The following CTBP2 variants were observed in gnomAD, a reference collection of about 807,000 sequenced individuals.
CTBP2 encodes the protein C-terminal binding protein 2, also known as C-terminal-binding protein 2.
A neutral mutation model predicts 80.3 loss-of-function variants in CTBP2; 30 were observed. The ratio of observed to expected loss-of-function variants is 0.37; its 90% confidence interval spans 0.28 to 0.51. The LOEUF is 0.51. Among genes scored for constraint, CTBP2 ranks in the 20% least tolerant of loss-of-function variants. CTBP2 has a pLI of 0.93. For missense variants in CTBP2, 1,212 were observed against 1,375.3 expected, an observed-to-expected ratio of 0.88 and a Z score of 1.88; for synonymous variants, 594 against 587.4, an observed-to-expected ratio of 1.01 and a Z score of -0.16.
intron 1 of CTBP2, among the ~76,000 whole-genome samples, chr10:125,005,253 G>A (rs1307023637): frequency 2.0e-5 from 3 of 152,200 alleles, no homozygotes; most frequent in Non-Finnish European, 4.4e-5. Flanking sequence ...AATGGGCTGG[G>A]GTAGCCAGGT....
In CTBP2 at chr10:125,026,691, T is replaced by G. The variant is rs1488070403; in HGVS notation, c.1069A>C (p.Arg357=). 6.2e-7 allele frequency: 1 copy of G among 1,611,066 alleles called. No homozygotes were observed. Among genetic ancestry groups the G allele is most frequent in the Non-Finnish European group, 8.5e-7 (1 of 1,179,250 alleles). The change falls in exon 1 of 9, where the codon AGG becomes CGG. Residue 357 remains arginine (R), a synonymous_variant. Coordinates refer to ENST00000309035, the MANE Select transcript of CTBP2 (RefSeq NM_022802.3). ...GGCAGCGGGCCCCCCCGGTCCTGCC[T>G]CCGCAGCTGCATTTCGGTCCTGCAG...
intron 1 of CTBP2, among the ~76,000 whole-genome samples, chr10:125,014,308 T>C (rs1055657788): frequency 3.3e-5 from 5 of 152,164 alleles, no homozygotes; most frequent in African/African-American, 1.2e-4. Flanking sequence ...CAAAATTTAC[T>C]GGGCGTGGTG....
chr10:125,054,126 C>A (rs1235030805), intron 2 of CTBP2, among the ~76,000 whole-genome samples: 1 of 151,700 alleles, frequency 6.6e-6, no homozygotes, highest in Non-Finnish European at 1.5e-5. Context: ...CTGAACATGA[C>A]CCTCTCCCTG....
At chr10:125,017,486 T>G (rs1347843524) in intron 1 of CTBP2, among the ~76,000 whole-genome samples, 1 of 152,226 alleles carries the variant, frequency 6.6e-6, no homozygotes, top group Non-Finnish European at 1.5e-5. Flanking sequence ...GGATGCTGTG[T>G]TCCGGCCCTA....
chr10:125,132,432 A>G (rs1856333989), intron 1 of CTBP2, among the ~76,000 whole-genome samples: 1 of 152,200 alleles, frequency 6.6e-6, no homozygotes. Flanking sequence ...TCAGAAACAC[A>G]GGAATGGCCA....
intron 1 of CTBP2, among the ~76,000 whole-genome samples, chr10:125,010,540 C>A (rs1303501172): frequency 1.3e-5 from 2 of 152,194 alleles, no homozygotes. Flanking sequence ...AAATGCGCAA[C>A]CCTTATCTCT....
intron 4 of CTBP2, among the ~76,000 whole-genome samples, chr10:124,995,189 GCTGGCCCGAGTGCAGA>G (rs905807938): frequency 1.2e-4 from 19 of 152,218 alleles, no homozygotes; most frequent in Non-Finnish European, 2.1e-4. Flanking sequence ...CTCCCTGCAG[GCTGGCCCGAGTGCAGA>G]CTGGCCACAT....
chr10:124,991,902 G>GC (rs1300122656), intron 8 of CTBP2, among the ~76,000 whole-genome samples: 8 of 145,202 alleles, frequency 5.5e-5, no homozygotes, highest in Non-Finnish European at 9.1e-5. Flanking sequence ...ATGGGGGGGG[G>GC]GGTGTGGGAG....
intron 2 of CTBP2, among the ~76,000 whole-genome samples, chr10:125,104,758 G>C (rs765391163): frequency 5.3e-5 from 8 of 152,230 alleles, no homozygotes; most frequent in Non-Finnish European, 1.0e-4. Context: ...CGACCAAGAA[G>C]ACTTTATTTT....
At chr10:125,161,060 C>CAG (rs1195563814), upstream of CTBP2, 84 of 99,890 alleles carry the variant, frequency 8.4e-4, no homozygotes, top group Middle Eastern at 0.011. Context: ...CTCCTCGCTC[C>CAG]TGTTTTTGGG....
At chr10:124,997,201 A>G (rs1349231161) in intron 4 of CTBP2, 2 of 152,244 alleles carry the variant, frequency 1.3e-5, no homozygotes, top group Admixed American at 6.5e-5. Flanking sequence ...ATCCCACCAA[A>G]TATCTACTTA....
intron 1 of CTBP2, chr10:125,122,720 C>G (rs1854542418): frequency 6.6e-6 from 1 of 152,214 alleles, no homozygotes; most frequent in South Asian, 2.1e-4. Context: ...AAAAGTCACT[C>G]CCAATACGAC....
At chr10:125,150,468 T>C (rs1301872660) in intron 1 of CTBP2, among the ~76,000 whole-genome samples, 1 of 152,030 alleles carries the variant, frequency 6.6e-6, no homozygotes, top group African/African-American at 2.4e-5. Flanking sequence ...AGTCTAGTCT[T>C]GGTTAGTGTG....
chr10:125,085,453 CGT>C (rs552440021), intron 2 of CTBP2, among the ~76,000 whole-genome samples: 71 of 152,178 alleles, frequency 4.7e-4, no homozygotes, highest in Non-Finnish European at 9.6e-4. Context: ...GAGCCACCTC[CGT>C]GTGCAACAGC....
chr10:125,059,961 C>T (rs975154897), intron 2 of CTBP2, among the ~76,000 whole-genome samples: 3 of 152,292 alleles, frequency 2.0e-5, no homozygotes, highest in Middle Eastern at 3.4e-3. Flanking sequence ...TGCAGGACCT[C>T]GCGGGTTAGC....
intron 2 of CTBP2, among the ~76,000 whole-genome samples, chr10:125,106,658 A>G (rs1851507246): frequency 6.6e-6 from 1 of 152,246 alleles, no homozygotes; most frequent in Non-Finnish European, 1.5e-5. Flanking sequence ...ACCATCCTGC[A>G]GATGCCCTGC....
upstream of CTBP2, among the ~76,000 whole-genome samples, chr10:125,031,488 C>A (rs370978531): frequency 0.04 from 1,363 of 33,722 alleles, 40 homozygotes; most frequent in South Asian, 0.23. Flanking sequence ...GACTCCATTT[C>A]AAAAAAAAAA....
chr10:125,145,013 G>A (rs147722244), intron 1 of CTBP2, among the ~76,000 whole-genome samples: 3,727 of 152,294 alleles, frequency 0.024, 67 homozygotes, highest in Non-Finnish European at 0.038. Flanking sequence ...GGTAATGTTG[G>A]AGGGTGGAGA....
chr10:125,045,479 G>C (rs1285659162), intron 2 of CTBP2, among the ~76,000 whole-genome samples: 1 of 152,014 alleles, frequency 6.6e-6, no homozygotes, highest in East Asian at 1.9e-4. Flanking sequence ...CCTCTCCAAG[G>C]GCCCCCATAC....
Sources: gnomAD v4.1 joint callset for allele counts (sites outside exome capture counted in the v4.1 genomes callset) on GRCh38, gnomAD v4.1.1 for gene constraint, MANE v1.5 for transcripts, NCBI Gene and HGNC (gene_info 2026-07-23, HGNC 2026-07-21) for gene names.